HNRNPA2B1: variants seen among roughly 807,000 people sequenced by gnomAD.
HNRNPA2B1 encodes heterogeneous nuclear ribonucleoprotein A2/B1.
Under a neutral mutation model 46.3 loss-of-function variants are expected in HNRNPA2B1, and 3 were observed. That is an observed-to-expected ratio of 0.06 (90% CI 0.03 to 0.17). The LOEUF (loss-of-function observed/expected upper bound fraction) is 0.17. HNRNPA2B1 is among the 10% of genes least tolerant of loss of function. The pLI is 1.00. For synonymous variants in HNRNPA2B1, 225 were observed against 133.8 expected, an observed-to-expected ratio of 1.68 and a Z score of -4.70; for missense variants, 221 against 418.9, an observed-to-expected ratio of 0.53 and a Z score of 4.12.
In HNRNPA2B1 at chr7:26,195,487, A is replaced by G. The variant is rs185894954; in HGVS notation, c.721+360T>C. 2.2e-4 allele frequency among the ~76,000 whole-genome samples: 34 copies of G among 152,320 alleles called. 1 individual carries two copies. The highest frequency in any genetic ancestry group is 6.5e-4 in the Admixed American group (10 of 15,290). On this transcript the variant is annotated intron_variant, in intron 7 of 10. Coordinates refer to ENST00000618183, the MANE Select transcript of HNRNPA2B1 (RefSeq NM_002137.4). ...TTCCCATCTAGTTACGGGTTTAGACATATTTCATATTTTTTCCTACATATA... is the reference window on the plus strand; with the variant it reads ...TTCCCATCTAGTTACGGGTTTAGACGTATTTCATATTTTTTCCTACATATA...
At position 26,196,792 on chromosome 7, in the gene HNRNPA2B1, T is replaced by G. The variant is rs1337938299; in HGVS notation, c.475+15A>C. The G allele has an allele frequency of 3.1e-6, 5 of 1,606,482 alleles. No individual in the cohort carries two copies. The East Asian group carries it at 1.1e-4, about 36-fold the overall frequency. On this transcript the variant is annotated intron_variant, in intron 4 of 10. Coordinates refer to ENST00000618183, the MANE Select transcript of HNRNPA2B1 (RefSeq NM_002137.4). ...ACACTGGAAAAAAACAGTACATTTG[T>G]GGTTAGACACTTACATACGATTTTA...
chr7:26,197,213 G>C (rs1355846157), intron 3 of HNRNPA2B1, 102 bp downstream of exon 3: 11 of 1,389,464 alleles, frequency 7.9e-6, no homozygotes, highest in African/African-American at 1.4e-5. Flanking sequence ...CCTTTAATAA[G>C]AGAAAAAATC....
At chr7:26,198,674 T>C (rs1044128661) in intron 1 of HNRNPA2B1, 1 of 152,222 alleles carries the variant, frequency 6.6e-6, no homozygotes, top group African/African-American at 2.4e-5. Context: ...CACAGCTGTA[T>C]TCTGGGCACT....
At chr7:26,200,103 G>T (rs138249007) in intron 1 of HNRNPA2B1, 1 of 194,826 alleles carries the variant, frequency 5.1e-6, no homozygotes, top group Non-Finnish European at 1.1e-5. Context: ...AGAGTTATAA[G>T]GAAAACGCTG....
chr7:26,194,225 T>G (rs1322335088), intron 7 of HNRNPA2B1, among the ~76,000 whole-genome samples: 1 of 151,860 alleles, frequency 6.6e-6, no homozygotes, highest in Non-Finnish European at 1.5e-5. Context: ...TGAAACCCCA[T>G]CTCTACTAAA....
chr7:26,190,394 TTTC>T lies in HNRNPA2B1; in HGVS notation c.*1963_*1965del, dbSNP rs1782763243. 1.3e-5 allele frequency: 2 copies of T among 152,620 alleles called. No homozygotes were observed. Among genetic ancestry groups the T allele is most frequent in the Non-Finnish European group, 2.9e-5 (2 of 68,010 alleles). The allele number at this position is 152,620 out of a possible 1,614,324, so 9.5% of individuals were successfully genotyped here. ...AGAACTACTTTCAGATGGTACAGAA[TTTC>T]TTATTTCTTGAAGACTCTGTGGTTG... is the stretch of plus-strand genomic sequence containing the variant. On this transcript the variant is annotated 3_prime_UTR_variant, in exon 11 of 11. Transcript: ENST00000618183.
intron 3 of HNRNPA2B1, 100 bp downstream of exon 3, chr7:26,197,215 G>A (rs184777206): frequency 5.7e-6 from 8 of 1,407,274 alleles, no homozygotes; most frequent in East Asian, 2.3e-5. Context: ...TTTAATAAGA[G>A]AAAAAATCTT....
At chr7:26,197,103 C>T in intron 3 of HNRNPA2B1, 86 bp from the exon 4 acceptor site, 1 of 1,161,606 alleles carries the variant, frequency 8.6e-7, no homozygotes, top group South Asian at 1.4e-5. Flanking sequence ...CCATACTTCG[C>T]TTGTATCCAC....
rs1303438607 is a variant in HNRNPA2B1 at position 26,197,359 on chromosome 7, T to C, written c.220A>G (p.Ile74Val). Reference sequence around the variant, plus strand: ...TTTGGCTCAACTACTCTCCCATCAATTGAATGAGGTCTTGCAGCCATGGCA... The same window carrying C: ...TTTGGCTCAACTACTCTCCCATCAACTGAATGAGGTCTTGCAGCCATGGCA... ...DAAMAARPHS[I>V]DGRVVEPKRA... Residue 74 changes from isoleucine (I) to valine (V), a missense_variant, in exon 3 of 11, where the codon ATT (isoleucine) becomes GTT (valine). This residue lies in a region of HNRNPA2B1 where 78 missense variants were observed against 218.5 expected (regional missense o/e 0.36). Transcript: ENST00000618183. 2 of 1,613,954 alleles carry C rather than the reference T, an allele frequency of 1.2e-6. No individual in the cohort carries two copies. The highest frequency in any genetic ancestry group is 1.7e-6 in the Non-Finnish European group (2 of 1,179,934).
chr7:26,192,507 G>GTTC lies in HNRNPA2B1; in HGVS notation c.*8_*9insGAA, dbSNP rs750906630. The GTTC allele has an allele frequency of 1.1e-5, 17 of 1,610,878 alleles. No homozygotes were observed. Among genetic ancestry groups the GTTC allele is most frequent in the Non-Finnish European group, 1.4e-5 (16 of 1,177,170 alleles). On this transcript the variant is annotated 3_prime_UTR_variant, in exon 10 of 11. Transcript: ENST00000618183. Reference sequence around the variant, plus strand: ...AAAAGCTACTTACCCATGGCAAATAGGAAGAAGCTCAGTATCGGCTCCTCC... The same window carrying GTTC: ...AAAAGCTACTTACCCATGGCAAATAGTTCGAAGAAGCTCAGTATCGGCTCCTCC...
intron 1 of HNRNPA2B1, chr7:26,198,070 G>C (rs1035099609): frequency 5.0e-6 from 2 of 400,360 alleles, no homozygotes; most frequent in African/African-American, 4.2e-5. Context: ...AATGTAGACC[G>C]TGATTATCAA....
intron 2 of HNRNPA2B1, 42 bp downstream of exon 2, chr7:26,197,580 C>CT (rs774016546): frequency 1.6e-4 from 253 of 1,568,594 alleles, no homozygotes; most frequent in Non-Finnish European, 2.2e-4. Flanking sequence ...TAACATACAG[C>CT]TAAAAGACTA....
In HNRNPA2B1 at chr7:26,191,503, T is replaced by TA. The variant is rs1335354924; in HGVS notation, c.*856dup. ...TGGCATCCTTATAAACTACTGTAGT[T>TA]AAAGTTTTGTAGAAACAGCACAGTT... On this transcript the variant is annotated 3_prime_UTR_variant, in exon 11 of 11. Coordinates refer to ENST00000618183, the MANE Select transcript of HNRNPA2B1 (RefSeq NM_002137.4). 1.3e-5 allele frequency: 2 copies of TA among 152,204 alleles called. No homozygotes were observed. The highest frequency in any genetic ancestry group is 2.9e-5 in the Non-Finnish European group (2 of 68,020). The allele number at this position is 152,204 out of a possible 1,614,324, so 9.4% of individuals were successfully genotyped here.
chr7:26,195,801 T>C (rs771600789), intron 7 of HNRNPA2B1, 46 bp downstream of exon 7: 5 of 1,591,608 alleles, frequency 3.1e-6, no homozygotes, highest in Non-Finnish European at 3.4e-6. Context: ...ACGATATAGT[T>C]AAGTATTAGT....
rs536359656 is a variant in HNRNPA2B1 at position 26,200,162 on chromosome 7, G to T, written c.6+410C>A. The T allele has an allele frequency of 4.5e-3, 1,035 of 228,626 alleles. 9 individuals carry two copies. The highest frequency in any genetic ancestry group is 6.4e-3 in the Non-Finnish European group (728 of 113,234). 14.2% of individuals were successfully genotyped at this position (228,626 alleles called of 1,614,324 possible). ...GGCGGCCGCCAAATCCGGTTCCCGG[G>T]AGAGAGGGGGAGGGGAAGCTCCGCA... On this transcript the variant is annotated intron_variant, in intron 1 of 10. Coordinates refer to ENST00000618183, the MANE Select transcript of HNRNPA2B1 (RefSeq NM_002137.4).
Position 26,197,717 on chromosome 7 carries a change from A to C in HNRNPA2B1, c.22T>G (p.Phe8Val). Reference protein sequence around the residue: MEREKEQFRKLFIGGLSF... With the variant: MEREKEQVRKLFIGGLSF... ...AAGCCACCAATAAAGAGCTTACGGAACTGTTCCTTTTCTCTCTGCAAAGGA... is the reference window on the plus strand; with the variant it reads ...AAGCCACCAATAAAGAGCTTACGGACCTGTTCCTTTTCTCTCTGCAAAGGA... Residue 8 changes from phenylalanine (F) to valine (V), a missense_variant, in exon 2 of 11, where the codon TTC (phenylalanine) becomes GTC (valine). Physicochemically the swap from Phe to Val is conservative, Grantham distance 50. Transcript: ENST00000618183. 1 of 1,613,490 alleles carries C rather than the reference A, an allele frequency of 6.2e-7. No homozygotes were observed. The highest frequency in any genetic ancestry group is 8.5e-7 in the Non-Finnish European group (1 of 1,179,614).
Position 26,200,664 on chromosome 7 carries a change from T to C in HNRNPA2B1, c.-87A>G. On this transcript the variant is annotated 5_prime_UTR_variant, in exon 1 of 11. Transcript: ENST00000618183. ...GGACGAACACGAACCGGACTCGTCC[T>C]GGCGCTGTAGTGAGAACTGCCGCTG... The C allele has an allele frequency of 7.7e-6, 12 of 1,555,878 alleles. No homozygotes were observed. Among genetic ancestry groups the C allele is most frequent in the Non-Finnish European group, 9.7e-6 (11 of 1,130,212 alleles).
intron 3 of HNRNPA2B1, 89 bp downstream of exon 3, chr7:26,197,226 G>T: frequency 3.5e-6 from 5 of 1,432,526 alleles, no homozygotes; most frequent in African/African-American, 1.4e-5. Flanking sequence ...AAAAAATCTT[G>T]AGTTAAAACT....
chr7:26,195,356 ACTT>A (rs944026438), intron 7 of HNRNPA2B1, among the ~76,000 whole-genome samples: 1 of 152,190 alleles, frequency 6.6e-6, no homozygotes, highest in African/African-American at 2.4e-5. Flanking sequence ...GATATATCAC[ACTT>A]CATGTTTAAT....
Sources: allele counts gnomAD v4.1 joint callset (sites outside exome capture counted in the v4.1 genomes callset), GRCh38; gene constraint gnomAD v4.1.1; regional missense constraint gnomAD v4.1.1; transcripts MANE v1.5; gene names NCBI Gene and HGNC (gene_info 2026-07-23, HGNC 2026-07-21).